The following SOX5 variants were observed in gnomAD, a reference collection of about 807,000 sequenced individuals.
SOX5 encodes transcription factor SOX-5.
Under a neutral mutation model 92.0 loss-of-function variants are expected in SOX5, and 9 were observed. That is an observed-to-expected ratio of 0.10 (90% CI 0.06 to 0.17). The LOEUF is 0.17. SOX5 is among the 10% of genes least tolerant of loss of function. The pLI is 1.00. For missense variants in SOX5, 642 were observed against 944.5 expected (o/e 0.68, Z 4.20); for synonymous variants, 344 against 336.3 (o/e 1.02, Z -0.25).
At chr12:23,709,996 T>C (rs1267914424) in intron 6 of SOX5, among the ~76,000 whole-genome samples, 1 of 152,194 alleles carries the variant, frequency 6.6e-6, no homozygotes, top group African/African-American at 2.4e-5. Context: ...ATTTTCCTCT[T>C]ATCACATCAA....
At chr12:24,149,204 T>C (rs555392235) in intron 4 of SOX5, among the ~76,000 whole-genome samples, 2 of 151,764 alleles carry the variant, frequency 1.3e-5, no homozygotes, top group Non-Finnish European at 2.9e-5. Context: ...CAAAAGAATA[T>C]AAAAGAAAAA....
intron 3 of SOX5, chr12:24,230,565 T>C (rs973585970): frequency 6.6e-6 from 1 of 152,090 alleles, no homozygotes; most frequent in African/African-American, 2.4e-5. Flanking sequence ...CCAGGAAAAG[T>C]GCAACCCACT....
intron 3 of SOX5, among the ~76,000 whole-genome samples, chr12:23,841,058 T>C (rs1050306910): frequency 6.6e-6 from 1 of 152,102 alleles, no homozygotes; most frequent in Non-Finnish European, 1.5e-5. Flanking sequence ...AGCTGCAGAC[T>C]GGTAGAAATA....
rs144187684 is a variant in SOX5, at chr12:23,979,280, A to G, written c.-1-83256T>C. On this transcript the variant is annotated intron_variant, in intron 4 of 4. Transcript: ENST00000446891. ...ACTCTGTCAGCCAGGCTGGAGTGCA[A>G]TGGTGCGATCTCAGCTCACTGCAAC... is the stretch of plus-strand genomic sequence containing the variant. Among the ~76,000 whole-genome samples, 684 of 152,040 alleles carry G rather than the reference A, an allele frequency of 4.5e-3. 11 individuals are homozygous for G. The highest frequency in any genetic ancestry group is 0.016 in the African/African-American group (653 of 41,490).
intron 1 of SOX5, among the ~76,000 whole-genome samples, chr12:24,399,424 G>A (rs1327913746): frequency 1.3e-5 from 2 of 152,156 alleles, no homozygotes; most frequent in Non-Finnish European, 2.9e-5. Context: ...TCAAGACACA[G>A]GGAGTCCAGA....
rs537695348 is a variant in SOX5, at chr12:23,796,995, G to A, written c.482-41271C>T. Reference sequence around the variant, plus strand: ...GTATTTTTATTTAAACATTTAAGGGGGAAATTAGTAACTATTTTTATATGT... The same window carrying A: ...GTATTTTTATTTAAACATTTAAGGGAGAAATTAGTAACTATTTTTATATGT... On this transcript the variant is annotated intron_variant, in intron 3 of 14. Coordinates refer to ENST00000451604, the MANE Select transcript of SOX5 (RefSeq NM_006940.6). Among the ~76,000 whole-genome samples the A allele has an allele frequency of 3.3e-5, 5 of 149,610 alleles. No individual in the cohort carries two copies. The East Asian group carries it at 9.8e-4, about 29-fold the overall frequency.
At position 24,346,448 on chromosome 12, in the gene SOX5, G is replaced by A. The variant is rs1296834313; in HGVS notation, c.-174+22115C>T. Among the ~76,000 whole-genome samples the A allele has an allele frequency of 2.0e-5, 3 of 150,170 alleles. No individual in the cohort carries two copies. The South Asian group carries it at 6.3e-4, about 32-fold the overall frequency. Reference sequence around the variant, plus strand: ...CAGAGTTATCAATACTTTATTTTTGGAGTACTTTTTTTTTTTTTTTTGAGA... The same window carrying A: ...CAGAGTTATCAATACTTTATTTTTGAAGTACTTTTTTTTTTTTTTTTGAGA... On this transcript the variant is annotated intron_variant, in intron 2 of 4. Transcript: ENST00000446891.
chr12:23,924,485 TATA>T (rs1569024081), intron 1 of SOX5, among the ~76,000 whole-genome samples: 1 of 152,160 alleles, frequency 6.6e-6, no homozygotes, highest in South Asian at 2.1e-4. Flanking sequence ...AAAATGCTAA[TATA>T]ATGTTTTCTT....
At chr12:24,084,243 G>T (rs576828993) in intron 4 of SOX5, among the ~76,000 whole-genome samples, 17 of 152,058 alleles carry the variant, frequency 1.1e-4, no homozygotes, top group Non-Finnish European at 2.4e-4. Flanking sequence ...AGTCCAAGGG[G>T]ATAAATTCAG....
intron 4 of SOX5, among the ~76,000 whole-genome samples, chr12:23,970,841 A>ATATATATATATATATATATATATAT: frequency 4.6e-5 from 1 of 21,872 alleles, no homozygotes; most frequent in Non-Finnish European, 1.0e-4. Flanking sequence ...TATATATATA[A>ATATATATATATATATATATATATAT]TTTTTTTTTT....
At chr12:23,899,416 A>G (rs947877200) in intron 1 of SOX5, among the ~76,000 whole-genome samples, 2 of 152,076 alleles carry the variant, frequency 1.3e-5, no homozygotes, top group Non-Finnish European at 2.9e-5. Flanking sequence ...AAAGAAAAAA[A>G]AAAAAAGGCA....
At chr12:23,604,114 C>T (rs1020494379) in intron 9 of SOX5, 2 of 332,600 alleles carry the variant, frequency 6.0e-6, no homozygotes, top group Non-Finnish European at 1.1e-5. Context: ...AGACTGTAAG[C>T]TCCTTGGGTA....
At position 23,752,507 on chromosome 12, in the gene SOX5, C is replaced by T. The variant is rs1055571585; in HGVS notation, c.568+3131G>A. On this transcript the variant is annotated intron_variant, in intron 4 of 14. Transcript: ENST00000451604. ...ATCTGCTTAGATTAGTTAAAGCCGACATGGATCCCCAGATACTATCCTCAG... is the reference window on the plus strand; with the variant it reads ...ATCTGCTTAGATTAGTTAAAGCCGATATGGATCCCCAGATACTATCCTCAG... 1.3e-4 allele frequency among the ~76,000 whole-genome samples: 20 copies of T among 151,856 alleles called. 1 individual carries two copies. The highest frequency in any genetic ancestry group is 6.6e-5 in the Admixed American group (1 of 15,194).
chr12:24,113,127 A>G (rs929915478), intron 4 of SOX5, among the ~76,000 whole-genome samples: 4 of 151,520 alleles, frequency 2.6e-5, no homozygotes, highest in Admixed American at 1.3e-4. Flanking sequence ...CCTGTAATAT[A>G]AAGTAGGAAA....
At chr12:24,084,928 A>G (rs1001103904) in intron 4 of SOX5, among the ~76,000 whole-genome samples, 1 of 152,126 alleles carries the variant, frequency 6.6e-6, no homozygotes, top group Non-Finnish European at 1.5e-5. Context: ...CCTTTAAGTG[A>G]TTATATTTAT....
At chr12:23,751,008 G>A (rs1266948347) in intron 4 of SOX5, among the ~76,000 whole-genome samples, 17 of 151,912 alleles carry the variant, frequency 1.1e-4, no homozygotes, top group African/African-American at 2.4e-4. Flanking sequence ...TATTCTACGC[G>A]CCAGCAGTCT....
chr12:24,265,710 T>C (rs1032146236), intron 3 of SOX5, among the ~76,000 whole-genome samples: 4 of 152,214 alleles, frequency 2.6e-5, no homozygotes, highest in African/African-American at 9.6e-5. Context: ...TAATCCTATA[T>C]AGTGTAGGTA....
intron 2 of SOX5, among the ~76,000 whole-genome samples, chr12:23,878,484 T>C (rs2096953105): frequency 6.6e-6 from 1 of 152,108 alleles, no homozygotes; most frequent in Non-Finnish European, 1.5e-5. Context: ...GTTCCAGGAA[T>C]TTCATTCAAC....
chr12:23,736,473 A>T (rs547460912), intron 5 of SOX5, among the ~76,000 whole-genome samples: 31 of 152,126 alleles, frequency 2.0e-4, no homozygotes, highest in Non-Finnish European at 2.2e-4. Context: ...GAAATAATAA[A>T]AAAAAAAATC....
Sources: allele counts gnomAD v4.1 joint callset (sites outside exome capture counted in the v4.1 genomes callset), GRCh38; gene constraint gnomAD v4.1.1; transcripts MANE v1.5; gene names NCBI Gene and HGNC (gene_info 2026-07-23, HGNC 2026-07-21).